The following MACROD2 variants were observed in gnomAD, a reference collection of about 807,000 sequenced individuals.
MACROD2 encodes mono-ADP ribosylhydrolase 2.
In MACROD2, 36 loss-of-function variants were observed where a neutral mutation model predicts 70.4. The ratio of observed to expected loss-of-function variants is 0.51; its 90% CI spans 0.39 to 0.68. The LOEUF (loss-of-function observed/expected upper bound fraction) is 0.68. MACROD2 is among the 30% of genes least tolerant of loss of function. MACROD2 has a pLI of 0.00. For missense variants in MACROD2, 496 were observed against 538.4 expected (o/e 0.92, Z 0.78); for synonymous variants, 172 against 178.8 (o/e 0.96, Z 0.30).
intron 13 of MACROD2, among the ~76,000 whole-genome samples, chr20:15,968,116 T>A (rs1416464041): frequency 1.3e-5 from 2 of 152,202 alleles, no homozygotes; most frequent in African/African-American, 2.4e-5. Context: ...GTACACATTA[T>A]ATTTATAGGC....
At chr20:14,328,054 A>T (rs1348425809) in intron 3 of MACROD2, among the ~76,000 whole-genome samples, 2 of 152,102 alleles carry the variant, frequency 1.3e-5, no homozygotes, top group Admixed American at 6.6e-5. Flanking sequence ...GAAAAATGTC[A>T]TAAAAATACC....
intron 3 of MACROD2, among the ~76,000 whole-genome samples, chr20:14,367,234 G>A (rs529057116): frequency 6.6e-6 from 1 of 152,170 alleles, no homozygotes; most frequent in African/African-American, 2.4e-5. Flanking sequence ...TACATTGTGT[G>A]TCTGATAACA....
At position 14,977,495 on chromosome 20, in the gene MACROD2, AC is replaced by A. The variant is rs1171811498; in HGVS notation, c.419-252444del. 4.4e-3 allele frequency among the ~76,000 whole-genome samples: 661 copies of A among 151,776 alleles called. 2 individuals carry two copies. Among genetic ancestry groups the A allele is most frequent in the African/African-American group, 0.016 (642 of 41,380 alleles). ...CACACACACACACACACACACACAC[AC>A]ACACAATTAGGGTTTAGGGTGACCT... On this transcript the variant is annotated intron_variant, in intron 5 of 17. Coordinates refer to ENST00000684519, the MANE Select transcript of MACROD2 (RefSeq NM_001351661.2).
At chr20:14,168,742 C>T (rs1303477695) in intron 3 of MACROD2, among the ~76,000 whole-genome samples, 3 of 151,760 alleles carry the variant, frequency 2.0e-5, no homozygotes, top group African/African-American at 7.2e-5. Context: ...TGCCTTTTAC[C>T]AGGTGGATTC....
At chr20:15,246,041 G>T (rs962033666) in intron 6 of MACROD2, among the ~76,000 whole-genome samples, 1 of 152,200 alleles carries the variant, frequency 6.6e-6, no homozygotes, top group Non-Finnish European at 1.5e-5. Flanking sequence ...ATGTCCAGAT[G>T]TAACGAACCA....
intron 6 of MACROD2, among the ~76,000 whole-genome samples, chr20:15,375,256 A>T (rs1317938347): frequency 2.0e-5 from 3 of 152,208 alleles, no homozygotes; most frequent in Non-Finnish European, 2.9e-5. Context: ...AGTCATGTGG[A>T]TTATAGATAA....
At chr20:15,400,821 C>T (rs1051626717) in intron 6 of MACROD2, among the ~76,000 whole-genome samples, 7 of 152,284 alleles carry the variant, frequency 4.6e-5, no homozygotes, top group East Asian at 1.9e-4. Flanking sequence ...CTCTCCTGGT[C>T]GGTGTCCGGG....
intron 2 of MACROD2, among the ~76,000 whole-genome samples, chr20:14,013,909 G>A (rs1204791203): frequency 6.6e-6 from 1 of 151,690 alleles, no homozygotes; most frequent in African/African-American, 2.4e-5. Context: ...CTCGACCTCA[G>A]GTGATCCACC....
chr20:14,193,796 C>A (rs1425953161), intron 3 of MACROD2, among the ~76,000 whole-genome samples: 1 of 152,152 alleles, frequency 6.6e-6, no homozygotes, highest in Non-Finnish European at 1.5e-5. Context: ...TGGAACGAGG[C>A]AGAAATCTCT....
chr20:14,847,669 A>T (rs1373196005), intron 5 of MACROD2, among the ~76,000 whole-genome samples: 1 of 152,054 alleles, frequency 6.6e-6, no homozygotes, highest in Non-Finnish European at 1.5e-5. Flanking sequence ...CATTAGTTTT[A>T]TCAATAGATT....
intron 3 of MACROD2, among the ~76,000 whole-genome samples, chr20:14,411,494 G>T (rs981271533): frequency 1.3e-5 from 2 of 152,042 alleles, no homozygotes; most frequent in African/African-American, 4.8e-5. Context: ...CCATAATGCT[G>T]TTGGGTATGT....
chr20:15,382,662 C>A (rs748465689), intron 6 of MACROD2, among the ~76,000 whole-genome samples: 32 of 152,054 alleles, frequency 2.1e-4, no homozygotes, highest in Non-Finnish European at 4.4e-4. Context: ...TGAGAAAATT[C>A]AATTCTGAAT....
intron 7 of MACROD2, among the ~76,000 whole-genome samples, chr20:15,433,267 G>A (rs2046386167): frequency 6.6e-6 from 1 of 151,684 alleles, no homozygotes; most frequent in Non-Finnish European, 1.5e-5. Context: ...TTAGACTGTT[G>A]CTGTTCTCTA....
chr20:15,250,239 T>C (rs2077143329), intron 6 of MACROD2, among the ~76,000 whole-genome samples: 1 of 152,182 alleles, frequency 6.6e-6, no homozygotes. Context: ...AGGATGAGTC[T>C]CTGATTAGTG....
chr20:14,961,530 G>C (rs977319037), intron 5 of MACROD2, among the ~76,000 whole-genome samples: 1 of 152,018 alleles, frequency 6.6e-6, no homozygotes, highest in Non-Finnish European at 1.5e-5. Flanking sequence ...TTGGGTTGTT[G>C]TTTTGTTTTG....
At chr20:15,733,035 T>G (rs181324961) in intron 8 of MACROD2, among the ~76,000 whole-genome samples, 151 of 152,306 alleles carry the variant, frequency 9.9e-4, no homozygotes, top group Non-Finnish European at 1.7e-3. Context: ...TTTCTTCTTG[T>G]GTGAATTTTG....
intron 8 of MACROD2, among the ~76,000 whole-genome samples, chr20:15,695,883 C>A (rs942532898): frequency 2.6e-5 from 4 of 151,990 alleles, no homozygotes; most frequent in African/African-American, 4.8e-5. Flanking sequence ...GATTTGTGTA[C>A]ATTAATCTTG....
chr20:14,629,984 TATCTATCTATCTATCC>T (rs1460146841), intron 4 of MACROD2, among the ~76,000 whole-genome samples: 1 of 152,060 alleles, frequency 6.6e-6, no homozygotes, highest in East Asian at 1.9e-4. Context: ...TCTATCTATC[TATCTATCTATCTATCC>T]ATCCCCTTTT....
At chr20:14,804,175 TA>T (rs2072611525) in intron 5 of MACROD2, among the ~76,000 whole-genome samples, 1 of 152,128 alleles carries the variant, frequency 6.6e-6, no homozygotes, top group Middle Eastern at 3.2e-3. Context: ...AAAAACCAAA[TA>T]CAATTACATT....
Sources: allele counts gnomAD v4.1 joint callset (sites outside exome capture counted in the v4.1 genomes callset), GRCh38; gene constraint gnomAD v4.1.1; transcripts MANE v1.5; gene names NCBI Gene and HGNC (gene_info 2026-07-23, HGNC 2026-07-21).